Variants in NEDD4L observed in about 807,000 individuals in gnomAD.
NEDD4L encodes the protein E3 ubiquitin-protein ligase NEDD4-like.
A neutral mutation model predicts 148.9 loss-of-function variants in NEDD4L; 54 were observed. The ratio of observed to expected loss-of-function variants is 0.36; its 90% CI spans 0.29 to 0.45. The LOEUF is 0.45. Ranked by LOEUF, NEDD4L falls within the 20% of genes least tolerant of loss-of-function variation. The probability of loss-of-function intolerance (pLI) is 1.00; values close to 1 mark genes in which losing one functional copy is unlikely to be tolerated. For missense variants in NEDD4L, 856 were observed against 1,233.8 expected, an observed-to-expected ratio of 0.69 and a Z score of 4.59; for synonymous variants, 433 against 440.7, an observed-to-expected ratio of 0.98 and a Z score of 0.22.
chr18:58,381,072 C>T (rs2048277055), intron 24 of NEDD4L, among the ~76,000 whole-genome samples: 1 of 152,146 alleles, frequency 6.6e-6, no homozygotes, highest in South Asian at 2.1e-4. Flanking sequence ...ATATATATAG[C>T]ATACAAATGT....
At chr18:58,053,836 GT>G (rs2081985179) in intron 1 of NEDD4L, among the ~76,000 whole-genome samples, 1 of 152,178 alleles carries the variant, frequency 6.6e-6, no homozygotes, top group Non-Finnish European at 1.5e-5. Flanking sequence ...GCACTGAGTT[GT>G]CCCCTTTGAA....
rs149183246 is a variant in NEDD4L at position 58,263,724 on chromosome 18, A to T, written c.297+11670A>T. 1.9e-3 allele frequency among the ~76,000 whole-genome samples: 253 copies of T among 135,274 alleles called. 1 individual carries two copies. Among genetic ancestry groups the T allele is most frequent in the Admixed American group, 5.7e-3 (66 of 11,612 alleles). The allele number at this position is 135,274 out of a possible 152,430, so 88.7% of individuals were successfully genotyped here. On this transcript the variant is annotated intron_variant, in intron 5 of 30. Coordinates refer to ENST00000400345, the MANE Select transcript of NEDD4L (RefSeq NM_001144967.3). Reference sequence around the variant, plus strand: ...AAATGCATGGCTAGGTAGTTACCTCATGAAGGAAAACAACTGTTTTGGTCC... The same window carrying T: ...AAATGCATGGCTAGGTAGTTACCTCTTGAAGGAAAACAACTGTTTTGGTCC...
At chr18:58,191,715 A>G (rs930444635) in intron 2 of NEDD4L, among the ~76,000 whole-genome samples, 1 of 152,226 alleles carries the variant, frequency 6.6e-6, no homozygotes, top group African/African-American at 2.4e-5. Flanking sequence ...CACAGATAAC[A>G]GGCATATAAT....
intron 1 of NEDD4L, among the ~76,000 whole-genome samples, chr18:58,122,743 C>CTTTTTTTTT (rs944368993): frequency 1.4e-4 from 21 of 147,652 alleles, no homozygotes; most frequent in African/African-American, 5.0e-4. Context: ...TTTTCTTTTT[C>CTTTTTTTTT]TTTTTTTTTT....
chr18:58,344,182 A>G (rs945687933), intron 16 of NEDD4L, among the ~76,000 whole-genome samples: 1 of 152,230 alleles, frequency 6.6e-6, no homozygotes, highest in Non-Finnish European at 1.5e-5. Context: ...CATTTGATAG[A>G]CCAGCAGCCT....
Position 58,322,506 on chromosome 18 carries a change from GT to G in NEDD4L, c.410+21del. 7.3e-7 allele frequency: 1 copy of G among 1,367,840 alleles called. No homozygotes were observed. The highest frequency in any genetic ancestry group is 1.0e-6 in the Non-Finnish European group (1 of 964,840). 84.7% of individuals were successfully genotyped at this position (1,367,840 alleles called of 1,614,324 possible). ...AAGAAGGTGAGGCTTGTGGGTATGG[GT>G]GGGTGGGGATGCCTGCCCTGCATGC... On this transcript the variant is annotated intron_variant, in intron 7 of 30. Transcript: ENST00000400345.
intron 5 of NEDD4L, among the ~76,000 whole-genome samples, chr18:58,269,396 G>A (rs138394955): frequency 7.1e-4 from 108 of 152,030 alleles, no homozygotes; most frequent in South Asian, 4.8e-3. Context: ...ATGGCTCACC[G>A]CAGCAAAAAG....
intron 2 of NEDD4L, among the ~76,000 whole-genome samples, chr18:58,170,088 C>T (rs766667303): frequency 3.3e-5 from 5 of 152,182 alleles, no homozygotes; most frequent in Admixed American, 6.5e-5. Context: ...GAAGTGAGCC[C>T]GTTCTTCCTC....
chr18:58,270,826 C>G (rs912785046), intron 5 of NEDD4L, among the ~76,000 whole-genome samples: 7 of 151,888 alleles, frequency 4.6e-5, no homozygotes, highest in Non-Finnish European at 5.9e-5. Context: ...GGTGTTTAGT[C>G]AAGCTCACTA....
chr18:58,233,968 G>C (rs994021661), intron 2 of NEDD4L, among the ~76,000 whole-genome samples: 42 of 152,056 alleles, frequency 2.8e-4, no homozygotes, highest in Admixed American at 2.6e-3. Context: ...GTTTGTTTCT[G>C]TGTCTACCTT....
chr18:58,315,856 T>C (rs187588803), intron 5 of NEDD4L, 126 bp from the exon 6 acceptor site: 15 of 868,910 alleles, frequency 1.7e-5, no homozygotes, highest in African/African-American at 3.3e-5. Context: ...CCTCGGGGCC[T>C]TCCGCCCTCC....
chr18:58,294,050 C>T (rs2055172449), intron 5 of NEDD4L, among the ~76,000 whole-genome samples: 1 of 152,134 alleles, frequency 6.6e-6, no homozygotes, highest in Non-Finnish European at 1.5e-5. Context: ...GGAAGTTTCC[C>T]ACATACCATT....
At chr18:58,388,822 C>T (rs2049392643) in intron 27 of NEDD4L, 9 of 471,344 alleles carry the variant, frequency 1.9e-5, no homozygotes, top group Middle Eastern at 1.2e-3. Flanking sequence ...GTAGGGAGGA[C>T]GACTGTGGCA....
At chr18:58,303,753 A>G (rs984349470) in intron 5 of NEDD4L, among the ~76,000 whole-genome samples, 4 of 152,254 alleles carry the variant, frequency 2.6e-5, no homozygotes, top group Non-Finnish European at 5.9e-5. Flanking sequence ...GAGATTAGCC[A>G]CTAAGAAATA....
Position 58,214,815 on chromosome 18 carries a change from T to TTTA in NEDD4L, c.123-30610_123-30609insATT, listed in dbSNP as rs1291603873. ...TCTTTCTTTCATTTTTTTTTTTTTT[T>TTTA]TTGTTGTTGTTGTTGAGACAGAGTC... On this transcript the variant is annotated intron_variant, in intron 2 of 30. Coordinates refer to ENST00000400345, the MANE Select transcript of NEDD4L (RefSeq NM_001144967.3). Among the ~76,000 whole-genome samples, 4 of 127,162 alleles carry TTTA rather than the reference T, an allele frequency of 3.1e-5. No homozygotes were observed. In the East Asian group the frequency reaches 6.8e-4, roughly 21 times the overall value. 83.4% of individuals were successfully genotyped at this position (127,162 alleles called of 152,430 possible).
At chr18:58,062,632 A>T (rs914748506) in intron 1 of NEDD4L, among the ~76,000 whole-genome samples, 3 of 152,154 alleles carry the variant, frequency 2.0e-5, no homozygotes, top group Admixed American at 6.5e-5. Context: ...TGCTTTTCAG[A>T]TCCCATGTTC....
At chr18:58,371,203 A>ATTTTTTTTT (rs34960405) in intron 23 of NEDD4L, among the ~76,000 whole-genome samples, 1,321 of 92,840 alleles carry the variant, frequency 0.014, no homozygotes, top group African/African-American at 0.022. Flanking sequence ...TGCCTGGCTA[A>ATTTTTTTTT]TTTTTTTTTT....
At chr18:58,175,385 C>T (rs1044921260) in intron 2 of NEDD4L, among the ~76,000 whole-genome samples, 10 of 152,224 alleles carry the variant, frequency 6.6e-5, no homozygotes, top group Admixed American at 1.3e-4. Flanking sequence ...AGGTACAGGC[C>T]GGCATTTGGA....
chr18:58,340,492 T>C (rs1047536304), intron 13 of NEDD4L, among the ~76,000 whole-genome samples: 9 of 152,196 alleles, frequency 5.9e-5, no homozygotes, highest in African/African-American at 1.9e-4. Flanking sequence ...TGCTACTGTG[T>C]GACCATCAGT....
Sources: allele counts gnomAD v4.1 joint callset (sites outside exome capture counted in the v4.1 genomes callset), GRCh38; gene constraint gnomAD v4.1.1; transcripts MANE v1.5; gene names NCBI Gene and HGNC (gene_info 2026-07-23, HGNC 2026-07-21).